Variants in NEDD4L observed in about 807,000 individuals in gnomAD.
NEDD4L encodes the protein E3 ubiquitin-protein ligase NEDD4-like.
NEDD4L carries 54 observed loss-of-function variants against 148.9 expected under a neutral mutation model. That is an observed-to-expected ratio of 0.36 (90% CI 0.29 to 0.45). The LOEUF is 0.45. NEDD4L is among the 20% of genes least tolerant of loss of function. The pLI, the probability that NEDD4L is intolerant of heterozygous loss-of-function variation, is 1.00. For synonymous variants in NEDD4L, 433 were observed against 440.7 expected (o/e 0.98, Z 0.22); for missense variants, 856 against 1,233.8 (o/e 0.69, Z 4.59).
chr18:58,157,914 A>G (rs1417260268), intron 1 of NEDD4L, among the ~76,000 whole-genome samples: 1 of 152,258 alleles, frequency 6.6e-6, no homozygotes, highest in African/African-American at 2.4e-5. Context: ...ATCTATTGCT[A>G]CATAACAAAT....
intron 1 of NEDD4L, among the ~76,000 whole-genome samples, chr18:58,100,914 T>C (rs2084713351): frequency 6.6e-6 from 1 of 152,196 alleles, no homozygotes; most frequent in Non-Finnish European, 1.5e-5. Context: ...CAAGTGACCC[T>C]CTAGCCTTGG....
At chr18:58,221,454 C>T in intron 2 of NEDD4L, 3 of 656,336 alleles carry the variant, frequency 4.6e-6, no homozygotes, top group East Asian at 1.4e-4. Flanking sequence ...AGCTACTTAA[C>T]CTTATGGTAG....
rs113196714 is a variant in NEDD4L, at chr18:58,181,048, T to C, written c.122+15187T>C. ...CAGAGGACATCGTTAATTCACATTT[T>C]GTGTGTTTCAGCAGGTATTTAAGCC... On this transcript the variant is annotated intron_variant, in intron 2 of 30. Coordinates refer to ENST00000400345, the MANE Select transcript of NEDD4L (RefSeq NM_001144967.3). Among the ~76,000 whole-genome samples the C allele has an allele frequency of 3.2e-3, 489 of 152,374 alleles. 3 individuals carry two copies. Among genetic ancestry groups the C allele is most frequent in the African/African-American group, 0.011 (470 of 41,592 alleles).
rs1309776833 is a variant in NEDD4L at position 58,255,470 on chromosome 18, C to T, written c.297+3416C>T. ...CTCTTATCCAATCATGCCTGGAATG[C>T]CGCTTGCCACTTGGGTTATTTCTGC... On this transcript the variant is annotated intron_variant, in intron 5 of 30. Coordinates refer to ENST00000400345, the MANE Select transcript of NEDD4L (RefSeq NM_001144967.3). 1.8e-5 allele frequency: 22 copies of T among 1,223,874 alleles called. No individual in the cohort carries two copies. In the East Asian group the frequency reaches 7.0e-4, roughly 39 times the overall value. 75.8% of individuals were successfully genotyped at this position (1,223,874 alleles called of 1,614,324 possible). A position where few individuals can be genotyped will look rare whatever the true frequency, so the allele number is the denominator to read the frequency against.
chr18:58,291,372 C>T (rs1165411650), intron 5 of NEDD4L, among the ~76,000 whole-genome samples: 1 of 152,214 alleles, frequency 6.6e-6, no homozygotes, highest in Non-Finnish European at 1.5e-5. Flanking sequence ...AAAGTGTAGT[C>T]ATCTTTTCTC....
At chr18:58,237,069 A>G (rs76876299) in intron 2 of NEDD4L, among the ~76,000 whole-genome samples, 10,204 of 151,978 alleles carry the variant, frequency 0.067, 1,152 homozygotes, top group African/African-American at 0.23. Context: ...ATTGTCATTT[A>G]TCAGCTTCTT....
At chr18:58,217,908 G>A (rs190277974) in intron 2 of NEDD4L, among the ~76,000 whole-genome samples, 25 of 152,066 alleles carry the variant, frequency 1.6e-4, no homozygotes, top group South Asian at 4.1e-4. Flanking sequence ...AGTAAAGCTC[G>A]TAATGTTATT....
intron 1 of NEDD4L, among the ~76,000 whole-genome samples, chr18:58,111,843 A>G (rs2085437635): frequency 6.6e-6 from 1 of 152,168 alleles, no homozygotes; most frequent in African/African-American, 2.4e-5. Context: ...TTGGGTTTAT[A>G]CCTAGGAATG....
intron 26 of NEDD4L, among the ~76,000 whole-genome samples, chr18:58,386,753 T>C (rs956592176): frequency 6.6e-6 from 1 of 152,162 alleles, no homozygotes; most frequent in South Asian, 2.1e-4. Context: ...TTCACTCAGG[T>C]ACCTACACAG....
chr18:58,307,549 C>G (rs372487110), intron 5 of NEDD4L, among the ~76,000 whole-genome samples: 2 of 152,130 alleles, frequency 1.3e-5, no homozygotes, highest in Non-Finnish European at 2.9e-5. Context: ...CTGTATGACT[C>G]TAGTTCAGAG....
intron 2 of NEDD4L, among the ~76,000 whole-genome samples, chr18:58,201,189 C>T (rs1043397421): frequency 2.6e-5 from 4 of 152,034 alleles, no homozygotes; most frequent in African/African-American, 9.7e-5. Flanking sequence ...AAAAATTAGC[C>T]AGGCATGGTG....
chr18:58,127,417 C>A (rs2031310812), intron 1 of NEDD4L, among the ~76,000 whole-genome samples: 1 of 152,096 alleles, frequency 6.6e-6, no homozygotes, highest in Admixed American at 6.5e-5. Context: ...TTCATTTATT[C>A]ATTTCAGGCT....
At chr18:58,363,258 T>C (rs1361457960) in intron 19 of NEDD4L, among the ~76,000 whole-genome samples, 1 of 152,158 alleles carries the variant, frequency 6.6e-6, no homozygotes, top group Non-Finnish European at 1.5e-5. Context: ...TCAAGATAAG[T>C]ATGGTGAAAG....
intron 2 of NEDD4L, among the ~76,000 whole-genome samples, chr18:58,218,104 T>C (rs1233631405): frequency 6.6e-6 from 1 of 152,196 alleles, no homozygotes. Flanking sequence ...TAAAATCCTG[T>C]TTTGAATGAA....
chr18:58,130,911 C>A (rs576252), intron 1 of NEDD4L, among the ~76,000 whole-genome samples: 34 of 135,216 alleles, frequency 2.5e-4, no homozygotes, highest in African/African-American at 9.3e-4. Flanking sequence ...TGTGATCTAG[C>A]GGAACTGTGG....
At chr18:58,231,237 CAAAAAAAAAAAA>C (rs67220469) in intron 2 of NEDD4L, among the ~76,000 whole-genome samples, 2 of 90,184 alleles carry the variant, frequency 2.2e-5, no homozygotes, top group African/African-American at 4.0e-5. Context: ...GACCCTATCT[CAAAAAAAAAAAA>C]AAAAAAAAAA....
chr18:58,268,745 A>G (rs1420973163), intron 5 of NEDD4L, among the ~76,000 whole-genome samples: 2 of 152,124 alleles, frequency 1.3e-5, no homozygotes, highest in African/African-American at 2.4e-5. Flanking sequence ...ATGCTTTGTA[A>G]TGAAGTCCTT....
intron 18 of NEDD4L, among the ~76,000 whole-genome samples, chr18:58,354,854 T>C (rs2044379575): frequency 6.6e-6 from 1 of 152,112 alleles, no homozygotes; most frequent in African/African-American, 2.4e-5. Context: ...ATGGGTCACT[T>C]TTTAGATGGA....
chr18:58,311,843 G>A (rs192028497), intron 5 of NEDD4L, among the ~76,000 whole-genome samples: 4 of 152,300 alleles, frequency 2.6e-5, no homozygotes, highest in Admixed American at 2.0e-4. Context: ...CTCCCATCTG[G>A]GGAAATGCCC....
Sources: allele counts gnomAD v4.1 joint callset (sites outside exome capture counted in the v4.1 genomes callset), GRCh38; gene constraint gnomAD v4.1.1; transcripts MANE v1.5; gene names NCBI Gene and HGNC (gene_info 2026-07-23, HGNC 2026-07-21).